The following SEPTIN7 variants were observed in gnomAD, a reference collection of about 807,000 sequenced individuals.
The protein encoded by SEPTIN7 is septin 7, also known as septin-7.
In SEPTIN7, 10 loss-of-function variants were observed where a neutral mutation model predicts 63.3. That is an observed-to-expected ratio of 0.16 (90% CI 0.10 to 0.27). The LOEUF is 0.27. SEPTIN7 is among the 10% of genes least tolerant of loss of function. SEPTIN7 has a pLI of 1.00. For synonymous variants in SEPTIN7, 131 were observed against 165.3 expected (o/e 0.79, Z 1.59); for missense variants, 310 against 521.0 (o/e 0.59, Z 3.94).
intron 10 of SEPTIN7, among the ~76,000 whole-genome samples, chr7:35,887,031 G>A (rs1228947056): frequency 6.6e-6 from 1 of 152,164 alleles, no homozygotes; most frequent in African/African-American, 2.4e-5. Flanking sequence ...GCAAAAGCAC[G>A]AGAAGGTCAT....
chr7:35,801,823 T>C (rs539396665), intron 1 of SEPTIN7, among the ~76,000 whole-genome samples: 2 of 151,314 alleles, frequency 1.3e-5, no homozygotes, highest in African/African-American at 2.4e-5. Flanking sequence ...TGCACCAGGC[T>C]GAGGCTGTGG....
At chr7:35,914,457 C>A in the SEPTIN7 span, among the ~76,000 whole-genome samples, 4 of 152,152 alleles carry the variant, frequency 2.6e-5, no homozygotes, top group African/African-American at 9.7e-5. Flanking sequence ...TGACCTCCCC[C>A]AAGGAAGAAG....
At chr7:35,840,576 C>T (rs188691741) in intron 3 of SEPTIN7, among the ~76,000 whole-genome samples, 1 of 151,580 alleles carries the variant, frequency 6.6e-6, no homozygotes, top group Non-Finnish European at 1.5e-5. Flanking sequence ...TCATGCCTGG[C>T]CAGCAAAATT....
intron 6 of SEPTIN7, 182 bp downstream of exon 6, chr7:35,873,957 GT>G (rs1395415333): frequency 3.9e-6 from 2 of 515,246 alleles, no homozygotes; most frequent in African/African-American, 4.0e-5. Context: ...TAAGCTAACA[GT>G]GATTTTACTC....
intron 12 of SEPTIN7, chr7:35,899,811 G>A (rs1239112343): frequency 2.6e-5 from 4 of 152,330 alleles, no homozygotes; most frequent in Non-Finnish European, 2.9e-5. Context: ...TTGAGCCTGG[G>A]AGATAGAGGC....
chr7:35,877,101 C>T (rs529536414), intron 6 of SEPTIN7, among the ~76,000 whole-genome samples: 4 of 152,066 alleles, frequency 2.6e-5, no homozygotes, highest in Non-Finnish European at 5.9e-5. Flanking sequence ...CAGAGCAAGA[C>T]CCTGTCAAAA....
At chr7:35,874,101 A>G (rs1432497250) in intron 6 of SEPTIN7, 1 of 199,544 alleles carries the variant, frequency 5.0e-6, no homozygotes, top group Non-Finnish European at 1.0e-5. Flanking sequence ...TACCAAATAA[A>G]GAGAAGCAGC....
intron 4 of SEPTIN7, among the ~76,000 whole-genome samples, chr7:35,867,023 A>G (rs758866624): frequency 6.6e-6 from 1 of 152,236 alleles, no homozygotes; most frequent in Non-Finnish European, 1.5e-5. Context: ...TTTGAGAACA[A>G]CTGCTCTGCT....
At chr7:35,903,861 A>G (rs1286318980) in intron 13 of SEPTIN7, among the ~76,000 whole-genome samples, 1 of 152,174 alleles carries the variant, frequency 6.6e-6, no homozygotes, top group Non-Finnish European at 1.5e-5. Context: ...ATTTTCCCCA[A>G]AGAAGAGGAA....
At chr7:35,863,381 C>T (rs1290718079) in intron 3 of SEPTIN7, among the ~76,000 whole-genome samples, 171 bp from the exon 4 acceptor site, 1 of 152,076 alleles carries the variant, frequency 6.6e-6, no homozygotes, top group South Asian at 2.1e-4. Flanking sequence ...GATTTGATAG[C>T]TAAGCAACTG....
intron 4 of SEPTIN7, among the ~76,000 whole-genome samples, chr7:35,866,687 T>C (rs1293102163): frequency 6.6e-6 from 1 of 152,218 alleles, no homozygotes; most frequent in South Asian, 2.1e-4. Flanking sequence ...CTCCTGTGTG[T>C]AAAATAGCAG....
rs576387749 is a variant in SEPTIN7 at position 35,832,038 on chromosome 7, A to G, written c.66+542A>G. 6.7e-4 allele frequency: 300 copies of G among 446,726 alleles called. 3 individuals carry two copies. Among genetic ancestry groups the G allele is most frequent in the African/African-American group, 5.6e-3 (274 of 49,278 alleles). The allele number at this position is 446,726 out of a possible 1,614,324, so 27.7% of individuals were successfully genotyped here. The stretch of plus-strand genomic sequence containing the variant: ...GGACAGCATTTCTCACCCATGGGTA[A>G]GTTAGAAGTCAGACTTATTTACTAC... On this transcript the variant is annotated intron_variant, in intron 2 of 13. Coordinates refer to ENST00000350320, the MANE Select transcript of SEPTIN7 (RefSeq NM_001788.6).
At chr7:35,871,038 GTTA>G (rs1786113492) in intron 4 of SEPTIN7, among the ~76,000 whole-genome samples, 1 of 152,054 alleles carries the variant, frequency 6.6e-6, no homozygotes, top group Non-Finnish European at 1.5e-5. Flanking sequence ...TATTACAACT[GTTA>G]TTGATGTTTA....
chr7:35,843,642 A>G (rs949859008), intron 3 of SEPTIN7, among the ~76,000 whole-genome samples: 12 of 152,216 alleles, frequency 7.9e-5, no homozygotes, highest in African/African-American at 2.7e-4. Flanking sequence ...CATAGAAAAA[A>G]ATGGTGGAGA....
intron 1 of SEPTIN7, among the ~76,000 whole-genome samples, chr7:35,806,297 G>T (rs1401923889): frequency 6.6e-6 from 1 of 152,042 alleles, no homozygotes; most frequent in Non-Finnish European, 1.5e-5. Context: ...AGATTTTTTT[G>T]TATTAAAAGT....
chr7:35,905,265 T>C lies in SEPTIN7; in HGVS notation c.*972T>C, dbSNP rs62454466. ...ATATTGCATTTCTGTATTTTTTGTT[T>C]GTATTGTAAAAAATTCACATAATAA... is the stretch of plus-strand genomic sequence containing the variant. On this transcript the variant is annotated 3_prime_UTR_variant, in exon 14 of 14. Transcript: ENST00000350320. 32 of 152,654 alleles carry C rather than the reference T, an allele frequency of 2.1e-4. No individual in the cohort carries two copies. Among genetic ancestry groups the C allele is most frequent in the Non-Finnish European group, 3.7e-4 (25 of 68,032 alleles). 9.5% of individuals were successfully genotyped at this position (152,654 alleles called of 1,614,324 possible).
chr7:35,801,769 T>C (rs1787996876), intron 1 of SEPTIN7, among the ~76,000 whole-genome samples: 1 of 150,946 alleles, frequency 6.6e-6, no homozygotes, highest in Admixed American at 6.6e-5. Context: ...GGGTGCTGTG[T>C]GGGCCAACCC....
At chr7:35,868,331 G>T (rs2467050) in intron 4 of SEPTIN7, among the ~76,000 whole-genome samples, 10 of 152,114 alleles carry the variant, frequency 6.6e-5, no homozygotes, top group Non-Finnish European at 1.3e-4. Flanking sequence ...CCTGTTGACA[G>T]CTGGTCCAGT....
chr7:35,892,955 C>CT (rs1448559951), intron 11 of SEPTIN7, among the ~76,000 whole-genome samples: 7 of 152,096 alleles, frequency 4.6e-5, no homozygotes, highest in Admixed American at 4.6e-4. Flanking sequence ...CATTGAATAA[C>CT]GCATACTGAA....
Sources: gnomAD v4.1 joint callset for allele counts (sites outside exome capture counted in the v4.1 genomes callset) on GRCh38, gnomAD v4.1.1 for gene constraint, MANE v1.5 for transcripts, NCBI Gene and HGNC (gene_info 2026-07-23, HGNC 2026-07-21) for gene names.